DAZL: variants seen among roughly 807,000 people sequenced by gnomAD.
The protein encoded by DAZL is deleted in azoospermia-like.
In DAZL, 4 loss-of-function variants were observed where a neutral mutation model predicts 45.0. The observed-to-expected ratio is 0.09, with a 90% CI of 0.04 to 0.20. The LOEUF is 0.20. DAZL is among the 10% of genes least tolerant of loss of function. The pLI is 1.00. For synonymous variants in DAZL, 122 were observed against 112.4 expected (o/e 1.09, Z -0.54); for missense variants, 326 against 351.3 (o/e 0.93, Z 0.58).
At chr3:16,591,927 G>T in intron 10 of DAZL, 123 bp downstream of exon 10, 1 of 1,175,596 alleles carries the variant, frequency 8.5e-7, no homozygotes, top group Non-Finnish European at 1.2e-6. Context: ...CTGTGTTATA[G>T]TCAAATGCCA....
intron 9 of DAZL, among the ~76,000 whole-genome samples, chr3:16,592,746 A>C (rs144239413): frequency 6.1e-4 from 93 of 152,328 alleles, no homozygotes; most frequent in African/African-American, 2.2e-3. Context: ...AAAAATATTC[A>C]GGACAAAACC....
intron 10 of DAZL, among the ~76,000 whole-genome samples, chr3:16,591,234 G>A (rs867543585): frequency 6.6e-6 from 1 of 151,968 alleles, no homozygotes; most frequent in Non-Finnish European, 1.5e-5. Flanking sequence ...TGGATAGACG[G>A]CGGGATCAGA....
intron 2 of DAZL, 77 bp downstream of exon 2, chr3:16,598,374 AC>A: frequency 6.4e-7 from 1 of 1,572,138 alleles, no homozygotes; most frequent in Non-Finnish European, 8.7e-7. Flanking sequence ...GTACAAAAAA[AC>A]CTTAAGTTTG....
At position 16,594,383 on chromosome 3, in the gene DAZL, A is replaced by T. The variant is rs1694565652; in HGVS notation, c.621+150T>A. On this transcript the variant is annotated intron_variant, in intron 8 of 10. Transcript: ENST00000399444. The stretch of plus-strand genomic sequence containing the variant: ...CCCATGGGAGTTTCTAACTGGGTTA[A>T]AAAGAAAGTAACAAAATGTAACACA... 4.8e-6 allele frequency: 3 copies of T among 631,026 alleles called. No individual in the cohort carries two copies. In the African/African-American group the frequency reaches 5.7e-5, roughly 12 times the overall value. The allele number at this position is 631,026 out of a possible 1,614,324, so 39.1% of individuals were successfully genotyped here. A position where few individuals can be genotyped will look rare whatever the true frequency, so the allele number is the denominator to read the frequency against.
In DAZL at chr3:16,589,515, C is replaced by A. The variant is rs184742422; in HGVS notation, c.835-802G>T. On this transcript the variant is annotated intron_variant, in intron 10 of 10. Coordinates refer to ENST00000399444, the MANE Select transcript of DAZL (RefSeq NM_001351.4). ...CACCAACATGTATCTTCACAGGTCA[C>A]GCAGGAAACAAGATTATGAAGGGAC... Among the ~76,000 whole-genome samples, 145 of 152,118 alleles carry A rather than the reference C, an allele frequency of 9.5e-4. 1 individual carries two copies. Among genetic ancestry groups the A allele is most frequent in the African/African-American group, 3.4e-3 (142 of 41,484 alleles).
chr3:16,588,608 G>T lies in DAZL; in HGVS notation c.*52C>A. 1 of 1,398,728 alleles carries T rather than the reference G, an allele frequency of 7.1e-7. No individual in the cohort carries two copies. Among genetic ancestry groups the T allele is most frequent in the Non-Finnish European group, 1.0e-6 (1 of 984,286 alleles). 86.6% of individuals were successfully genotyped at this position (1,398,728 alleles called of 1,614,324 possible). A position where few individuals can be genotyped will look rare whatever the true frequency, so the allele number is the denominator to read the frequency against. On this transcript the variant is annotated 3_prime_UTR_variant, in exon 11 of 11. Transcript: ENST00000399444. ...TTTCTATAATAGTGGAAACCTTTTA[G>T]CTTAATATTCAAAACCAGCAACTTC...
chr3:16,600,029 C>T (rs1307734896), intron 1 of DAZL, among the ~76,000 whole-genome samples: 1 of 151,854 alleles, frequency 6.6e-6, no homozygotes, highest in Non-Finnish European at 1.5e-5. Context: ...TTTGGCTTTA[C>T]TATTTTAGCT....
rs1204757905 is a variant in DAZL, at chr3:16,594,527, C to T, written c.621+6G>A. 1 of 1,585,724 alleles carries T rather than the reference C, an allele frequency of 6.3e-7. No homozygotes were observed. Among genetic ancestry groups the T allele is most frequent in the South Asian group, 1.2e-5 (1 of 84,960 alleles). ...AGGAATTATATGTTTGGCTAATTCA[C>T]TTTACCGGAGGTACAACATAGCTCC... On this transcript the variant is annotated splice_donor_region_variant and intron_variant, in intron 8 of 10. Coordinates refer to ENST00000399444, the MANE Select transcript of DAZL (RefSeq NM_001351.4).
chr3:16,595,509 A>G lies in DAZL; in HGVS notation c.499-124T>C, dbSNP rs983333025. 24 of 571,288 alleles carry G rather than the reference A, an allele frequency of 4.2e-5. No individual in the cohort carries two copies. In the African/African-American group the frequency reaches 4.4e-4, roughly 10 times the overall value. 35.4% of individuals were successfully genotyped at this position (571,288 alleles called of 1,614,324 possible). ...TATTTTTCTATATACAACAATGCAGAATTCTAAATGCATGACTGACTTTAT... is the reference window on the plus strand; with the variant it reads ...TATTTTTCTATATACAACAATGCAGGATTCTAAATGCATGACTGACTTTAT... On this transcript the variant is annotated intron_variant, in intron 6 of 10. Transcript: ENST00000399444.
chr3:16,589,969 G>A (rs141009433), intron 10 of DAZL, among the ~76,000 whole-genome samples: 1 of 152,204 alleles, frequency 6.6e-6, no homozygotes, highest in Non-Finnish European at 1.5e-5. Context: ...AACTATTTGG[G>A]AGGCTGAGGC....
intron 1 of DAZL, 143 bp from the exon 2 acceptor site, chr3:16,598,741 C>CT: frequency 9.5e-7 from 1 of 1,047,442 alleles, no homozygotes; most frequent in Non-Finnish European, 1.2e-6. Flanking sequence ...AGGATTTAAA[C>CT]TTATCAGAGT....
chr3:16,604,029 TATA>T (rs759782448), intron 1 of DAZL, among the ~76,000 whole-genome samples: 1 of 152,164 alleles, frequency 6.6e-6, no homozygotes, highest in African/African-American at 2.4e-5. Context: ...TGAAAAGTGT[TATA>T]ATAAATAATT....
At chr3:16,604,790 TG>T (rs1460546246) in intron 1 of DAZL, 4 of 1,269,518 alleles carry the variant, frequency 3.2e-6, no homozygotes, top group Non-Finnish European at 4.0e-6. Context: ...CGCGTGGGAG[TG>T]GGGGAGGGGC....
intron 9 of DAZL, among the ~76,000 whole-genome samples, chr3:16,592,969 AC>A (rs1313519938): frequency 6.6e-6 from 1 of 152,158 alleles, no homozygotes; most frequent in East Asian, 1.9e-4. Context: ...AGAAGAAAGA[AC>A]CCTGCCTAAT....
chr3:16,603,306 A>G (rs917428979), intron 1 of DAZL, among the ~76,000 whole-genome samples: 1 of 152,218 alleles, frequency 6.6e-6, no homozygotes, highest in Non-Finnish European at 1.5e-5. Context: ...CAAGGAATTA[A>G]TAATACAAGC....
chr3:16,594,714 G>GA (rs967121705), intron 7 of DAZL, 131 bp from the exon 8 acceptor site: 34 of 556,334 alleles, frequency 6.1e-5, no homozygotes, highest in Non-Finnish European at 8.5e-5. Flanking sequence ...GAAACAGAAT[G>GA]AAAAAAAAGT....
rs1491427435 is a variant in DAZL at position 16,596,959 on chromosome 3, TAA to T, written c.358+27_358+28del. 6 of 1,612,732 alleles carry T rather than the reference TAA, an allele frequency of 3.7e-6. No individual in the cohort carries two copies. The South Asian group carries it at 5.5e-5, about 15-fold the overall frequency. On this transcript the variant is annotated intron_variant, in intron 5 of 10. Coordinates refer to ENST00000399444, the MANE Select transcript of DAZL (RefSeq NM_001351.4). ...AAAGCTACACAATTTCTTTTATGTTTAAAAAGAACAATTTCTTTTTGTACTCA... is the reference window on the plus strand; with the variant it reads ...AAAGCTACACAATTTCTTTTATGTTTAAAGAACAATTTCTTTTTGTACTCA...
chr3:16,604,742 G>A (rs1694748780), intron 1 of DAZL: 4 of 1,364,894 alleles, frequency 2.9e-6, no homozygotes, highest in African/African-American at 3.0e-5. Context: ...CGGAGCCACG[G>A]GGAGAGCGCG....
At chr3:16,594,958 C>G (rs6787063) in intron 7 of DAZL, among the ~76,000 whole-genome samples, 87,340 of 151,756 alleles carry the variant, frequency 0.58, 25,531 homozygotes, top group African/African-American at 0.65. Flanking sequence ...ATTCTGTGCT[C>G]TAAGAATTGG....
Sources: allele counts gnomAD v4.1 joint callset (sites outside exome capture counted in the v4.1 genomes callset), GRCh38; gene constraint gnomAD v4.1.1; transcripts MANE v1.5; gene names NCBI Gene and HGNC (gene_info 2026-07-23, HGNC 2026-07-21).